Variants in PIK3C2G observed in about 807,000 individuals in gnomAD.
PIK3C2G encodes the protein phosphatidylinositol 3-kinase C2 domain-containing subunit gamma.
In PIK3C2G, 168 loss-of-function variants were observed where a neutral mutation model predicts 181.1. The ratio of observed to expected loss-of-function variants is 0.93; its 90% CI spans 0.82 to 1.05. PIK3C2G has a LOEUF of 1.05. PIK3C2G is among the 50% of genes least tolerant of loss of function. The probability of loss-of-function intolerance (pLI) is 0.00; values close to 1 mark genes in which losing one functional copy is unlikely to be tolerated. For synonymous variants in PIK3C2G, 573 were observed against 592.2 expected, an observed-to-expected ratio of 0.97 and a Z score of 0.47; for missense variants, 1,869 against 1,732.8, an observed-to-expected ratio of 1.08 and a Z score of -1.40.
intron 18 of PIK3C2G, among the ~76,000 whole-genome samples, chr12:18,438,816 G>A (rs1278551476): frequency 1.3e-5 from 2 of 151,762 alleles, no homozygotes; most frequent in African/African-American, 2.4e-5. Flanking sequence ...AAAATTATTC[G>A]ACCTCCCTGA....
At position 18,647,940 on chromosome 12, in the gene PIK3C2G, CTG is replaced by C. The variant is rs777758344; in HGVS notation, c.4375_4376del (p.Val1459IlefsTer6). 2.5e-6 allele frequency: 4 copies of C among 1,600,118 alleles called. No homozygotes were observed. The highest frequency in any genetic ancestry group is 3.4e-6 in the Non-Finnish European group (4 of 1,171,248). On this transcript the variant is annotated frameshift_variant, in exon 33 of 33. Coordinates refer to ENST00000538779, the MANE Select transcript of PIK3C2G (RefSeq NM_001288772.2). LOFTEE classifies it high-confidence loss of function. ...TTAATGCTTATTGTGAAGAGTAAAA[CTG>C]TATTTGTGGGAGCAATTAACATCCG...
chr12:18,519,856 G>A lies in PIK3C2G; in HGVS notation c.3323+14395G>A, dbSNP rs187718316. On this transcript the variant is annotated intron_variant, in intron 24 of 32. Transcript: ENST00000538779. The stretch of plus-strand genomic sequence containing the variant: ...GTGTGTTTTTGCAGTGTCTGGTACC[G>A]GTTTTTCCTTTCCATATTTAATGCT... 1.7e-3 allele frequency among the ~76,000 whole-genome samples: 262 copies of A among 151,764 alleles called. 1 individual carries two copies. The highest frequency in any genetic ancestry group is 3.8e-4 in the Non-Finnish European group (26 of 67,932).
At chr12:18,518,355 G>C (rs961337935) in intron 24 of PIK3C2G, among the ~76,000 whole-genome samples, 3 of 152,058 alleles carry the variant, frequency 2.0e-5, no homozygotes, top group Non-Finnish European at 2.9e-5. Context: ...CTATGAATCT[G>C]TCTGGTCCTG....
chr12:18,415,399 C>T (rs1409192137), intron 16 of PIK3C2G, among the ~76,000 whole-genome samples: 1 of 152,186 alleles, frequency 6.6e-6, no homozygotes, highest in African/African-American at 2.4e-5. Flanking sequence ...ACCCACAGTA[C>T]AGAGTGAACT....
chr12:18,631,503 G>A (rs1949349455), intron 31 of PIK3C2G, among the ~76,000 whole-genome samples: 1 of 152,072 alleles, frequency 6.6e-6, no homozygotes, highest in Admixed American at 6.6e-5. Flanking sequence ...TCATACAATG[G>A]GGAATCCTCG....
chr12:18,282,779 A>G lies in PIK3C2G; in HGVS notation c.678+20A>G, dbSNP rs781353001. On this transcript the variant is annotated intron_variant, in intron 2 of 32. Coordinates refer to ENST00000538779, the MANE Select transcript of PIK3C2G (RefSeq NM_001288772.2). ...ATAGAGGTAAGTATAATACATGTCA[A>G]TGTAAAAATATGAATCTGAAAGAAT... 1.4e-6 allele frequency: 2 copies of G among 1,402,358 alleles called. No homozygotes were observed. 86.9% of individuals were successfully genotyped at this position (1,402,358 alleles called of 1,614,324 possible).
intron 26 of PIK3C2G, among the ~76,000 whole-genome samples, chr12:18,547,915 AT>A (rs1944517016): frequency 6.6e-6 from 1 of 151,974 alleles, no homozygotes; most frequent in African/African-American, 2.4e-5. Flanking sequence ...ATCTCAACTA[AT>A]GGGGATGGGT....
At chr12:18,692,812 A>T in the PIK3C2G span, 1 of 1,535,336 alleles carries the variant, frequency 6.5e-7, no homozygotes, top group South Asian at 1.1e-5. Flanking sequence ...GGCAAGAAGG[A>T]TGACAAGCTC....
At chr12:18,374,704 T>A (rs1392446969) in intron 13 of PIK3C2G, among the ~76,000 whole-genome samples, 1 of 152,244 alleles carries the variant, frequency 6.6e-6, no homozygotes, top group Admixed American at 6.5e-5. Flanking sequence ...TATTGAATTA[T>A]GGTCCTCAGT....
At chr12:18,513,796 C>T (rs548426250) in intron 24 of PIK3C2G, among the ~76,000 whole-genome samples, 1 of 151,740 alleles carries the variant, frequency 6.6e-6, no homozygotes, top group African/African-American at 2.4e-5. Flanking sequence ...TTTATCTTTT[C>T]AAAAAACAAC....
At position 18,282,254 on chromosome 12, in the gene PIK3C2G, T is replaced by C; in HGVS notation, c.173T>C (p.Ile58Thr). Residue 58 changes from isoleucine to threonine, a missense_variant, in exon 2 of 33, where the codon ATT becomes ACT. Coordinates refer to ENST00000538779, the MANE Select transcript of PIK3C2G (RefSeq NM_001288772.2). ...AAAATTCCACACTACGAGAGTGAAA[T>C]TGATGAAAACACCTTTTTTGTGCCC... ...SGKIPHYESE[I>T]DENTFFVPTA... is the part of the protein sequence containing the mutation. The C allele has an allele frequency of 6.2e-7, 1 of 1,613,688 alleles. No homozygotes were observed. The highest frequency in any genetic ancestry group is 8.5e-7 in the Non-Finnish European group (1 of 1,179,764).
the PIK3C2G span, among the ~76,000 whole-genome samples, chr12:18,678,789 A>C: frequency 6.6e-6 from 1 of 152,074 alleles, no homozygotes; most frequent in Non-Finnish European, 1.5e-5. Flanking sequence ...ATTATAAAAA[A>C]TCCTTCTATA....
intron 18 of PIK3C2G, among the ~76,000 whole-genome samples, chr12:18,431,056 A>C (rs1181956194): frequency 6.6e-6 from 1 of 152,132 alleles, no homozygotes; most frequent in African/African-American, 2.4e-5. Context: ...ATTTGGCATC[A>C]TGAGATTCAA....
intron 18 of PIK3C2G, among the ~76,000 whole-genome samples, chr12:18,474,463 A>G (rs1938773757): frequency 1.3e-5 from 2 of 152,152 alleles, no homozygotes; most frequent in Non-Finnish European, 2.9e-5. Context: ...TTCCCTATTT[A>G]TACCTTTCCA....
chr12:18,600,484 C>T (rs1470878564), intron 30 of PIK3C2G, among the ~76,000 whole-genome samples: 2 of 151,858 alleles, frequency 1.3e-5, no homozygotes, highest in East Asian at 3.9e-4. Flanking sequence ...TAAAAGTAGA[C>T]TTCAAATAGT....
chr12:18,314,754 T>C (rs999096402), intron 6 of PIK3C2G: 9 of 152,230 alleles, frequency 5.9e-5, no homozygotes, highest in African/African-American at 2.2e-4. Context: ...TTATCGTATT[T>C]ATACTTTTCA....
chr12:18,598,601 G>T (rs113383670), intron 30 of PIK3C2G, among the ~76,000 whole-genome samples: 4,224 of 150,914 alleles, frequency 0.028, 69 homozygotes, highest in Middle Eastern at 0.062. Context: ...AGGACTTCAT[G>T]TCTAAAACAC....
rs139180579 is a variant in PIK3C2G at position 18,334,651 on chromosome 12, G to A, written c.1273-3775G>A. Among the ~76,000 whole-genome samples the A allele has an allele frequency of 8.5e-3, 1,291 of 151,794 alleles. 24 individuals carry two copies. Among genetic ancestry groups the A allele is most frequent in the Middle Eastern group, 0.031 (9 of 294 alleles). On this transcript the variant is annotated intron_variant, in intron 8 of 32. Coordinates refer to ENST00000538779, the MANE Select transcript of PIK3C2G (RefSeq NM_001288772.2). ...TTTTTCTCTGTCTACATTCTCTCTC[G>A]GGACAATCACATTCAAATTTTAGTC...
chr12:18,323,906 T>C (rs1951214933), intron 7 of PIK3C2G, among the ~76,000 whole-genome samples: 1 of 152,078 alleles, frequency 6.6e-6, no homozygotes, highest in Non-Finnish European at 1.5e-5. Context: ...GTGGTACTAA[T>C]AGTTTCAGGT....
Sources: allele counts gnomAD v4.1 joint callset (sites outside exome capture counted in the v4.1 genomes callset), GRCh38; gene constraint gnomAD v4.1.1; transcripts MANE v1.5; gene names NCBI Gene and HGNC (gene_info 2026-07-23, HGNC 2026-07-21).